The following MYO9A variants were observed in gnomAD, a reference collection of about 807,000 sequenced individuals.
MYO9A encodes myosin IXA.
A neutral mutation model predicts 293.3 loss-of-function variants in MYO9A; 103 were observed. That is an observed-to-expected ratio of 0.35 (90% CI 0.30 to 0.41). The LOEUF is 0.41. Among genes scored for constraint, MYO9A ranks in the 10% least tolerant of loss-of-function variants. The pLI is 1.00. For missense variants in MYO9A, 2,685 were observed against 3,033.0 expected (o/e 0.89, Z 2.69); for synonymous variants, 1,001 against 1,035.7 (o/e 0.97, Z 0.64).
At chr15:72,028,413 C>T (rs1248846636) in intron 3 of MYO9A, among the ~76,000 whole-genome samples, 3 of 150,810 alleles carry the variant, frequency 2.0e-5, no homozygotes, top group South Asian at 2.1e-4. Flanking sequence ...TTTGGGAGGC[C>T]GAGGAGGGTG....
At chr15:71,846,188 A>ACTGT (rs2055378491) in intron 39 of MYO9A, among the ~76,000 whole-genome samples, 1 of 152,224 alleles carries the variant, frequency 6.6e-6, no homozygotes, top group South Asian at 2.1e-4. Flanking sequence ...AACTGAGTTC[A>ACTGT]CTGTCAACAG....
chr15:71,841,435 A>G (rs1028094113), intron 39 of MYO9A, among the ~76,000 whole-genome samples: 2 of 152,184 alleles, frequency 1.3e-5, no homozygotes, highest in African/African-American at 4.8e-5. Context: ...GAATGCTAAT[A>G]TATCAAATGC....
At position 71,915,418 on chromosome 15, in the gene MYO9A, TTTTCA is replaced by T. The variant is rs1263670513; in HGVS notation, c.2685+947_2685+951del. ...AGTTATTTGGCTCCTTGGTCTTGCT[TTTTCA>T]TTTCTTTTTTTTTTTTTTTAAAGAG... On this transcript the variant is annotated intron_variant, in intron 19 of 41. Coordinates refer to ENST00000356056, the MANE Select transcript of MYO9A (RefSeq NM_006901.4). Among the ~76,000 whole-genome samples, 3 of 151,936 alleles carry T rather than the reference TTTTCA, an allele frequency of 2.0e-5. No homozygotes were observed. In the South Asian group the frequency reaches 6.2e-4, roughly 32 times the overall value.
At chr15:72,030,958 A>G (rs2077847670) in intron 3 of MYO9A, among the ~76,000 whole-genome samples, 1 of 152,202 alleles carries the variant, frequency 6.6e-6, no homozygotes, top group Non-Finnish European at 1.5e-5. Context: ...GCAGGAGGTA[A>G]GCGGCCAGCA....
At chr15:71,888,206 T>C in intron 26 of MYO9A, 90 bp from the exon 27 acceptor site, 1 of 679,708 alleles carries the variant, frequency 1.5e-6, no homozygotes, top group East Asian at 2.8e-5. Context: ...TTACTTGAGC[T>C]ATTTAAAAAC....
chr15:72,069,249 C>T (rs951461959), intron 1 of MYO9A, among the ~76,000 whole-genome samples: 2 of 152,144 alleles, frequency 1.3e-5, no homozygotes, highest in South Asian at 4.1e-4. Context: ...AGAAGGTGCA[C>T]TGAGGTCCTA....
intron 4 of MYO9A, among the ~76,000 whole-genome samples, chr15:72,027,102 A>C (rs1383854300): frequency 1.3e-5 from 2 of 152,232 alleles, no homozygotes; most frequent in African/African-American, 4.8e-5. Context: ...TCCAAAACCA[A>C]GGAAATAAGA....
intron 1 of MYO9A, among the ~76,000 whole-genome samples, chr15:72,056,037 G>A (rs2149877346): frequency 6.6e-6 from 1 of 152,282 alleles, no homozygotes; most frequent in African/African-American, 2.4e-5. Context: ...AGACCACCCT[G>A]ACCAACATGG....
At chr15:72,108,653 G>A (rs2080660226) in intron 1 of MYO9A, among the ~76,000 whole-genome samples, 1 of 151,936 alleles carries the variant, frequency 6.6e-6, no homozygotes, top group Non-Finnish European at 1.5e-5. Context: ...TTAAATTAGG[G>A]TATTATTTTT....
Position 72,035,356 on chromosome 15 carries a change from G to A in MYO9A, c.841-2768C>T, listed in dbSNP as rs115348197. Among the ~76,000 whole-genome samples, 852 of 145,374 alleles carry A rather than the reference G, an allele frequency of 5.9e-3. 10 individuals carry two copies. Among genetic ancestry groups the A allele is most frequent in the African/African-American group, 0.02 (806 of 40,426 alleles). On this transcript the variant is annotated intron_variant, in intron 2 of 41. Coordinates refer to ENST00000356056, the MANE Select transcript of MYO9A (RefSeq NM_006901.4). Reference sequence around the variant, plus strand: ...TATCATCAGCTTTTTGACAGTCAAAGCTTGAAAATAACGAAATGTCCACCA... The same window carrying A: ...TATCATCAGCTTTTTGACAGTCAAAACTTGAAAATAACGAAATGTCCACCA...
chr15:71,825,729 A>C lies in MYO9A; in HGVS notation c.*851T>G, dbSNP rs1256111161. The C allele has an allele frequency of 6.6e-6, 1 of 152,152 alleles. No homozygotes were observed. Among genetic ancestry groups the C allele is most frequent in the Non-Finnish European group, 1.5e-5 (1 of 68,022 alleles). 9.4% of individuals were successfully genotyped at this position (152,152 alleles called of 1,614,324 possible). On this transcript the variant is annotated 3_prime_UTR_variant, in exon 42 of 42. Transcript: ENST00000356056. Reference sequence around the variant, plus strand: ...GAATGGCTTAGGATGAAACCTTCATAAGTTTAGGGATCACCATGTCTCTGG... The same window carrying C: ...GAATGGCTTAGGATGAAACCTTCATCAGTTTAGGGATCACCATGTCTCTGG...
At chr15:72,092,910 T>TACACACACACAC (rs59999448) in intron 1 of MYO9A, among the ~76,000 whole-genome samples, 156 of 141,994 alleles carry the variant, frequency 1.1e-3, no homozygotes, top group African/African-American at 3.8e-3. Context: ...CCACCTTACT[T>TACACACACACAC]ACACACACAC....
intron 34 of MYO9A, among the ~76,000 whole-genome samples, chr15:71,858,067 A>AT (rs2055937544): frequency 6.6e-6 from 1 of 152,312 alleles, no homozygotes; most frequent in Non-Finnish European, 1.5e-5. Context: ...ATACCATCTC[A>AT]TACCAGCTGG....
chr15:72,063,768 G>C (rs184335429), intron 1 of MYO9A, among the ~76,000 whole-genome samples: 3 of 152,246 alleles, frequency 2.0e-5, no homozygotes, highest in Admixed American at 1.3e-4. Context: ...ACTAAAAACA[G>C]AACTACTATA....
chr15:71,969,945 C>T (rs1219822601), intron 12 of MYO9A, among the ~76,000 whole-genome samples: 1 of 152,250 alleles, frequency 6.6e-6, no homozygotes, highest in South Asian at 2.1e-4. Flanking sequence ...CTACCAATGC[C>T]TGGATCCCAA....
intron 13 of MYO9A, among the ~76,000 whole-genome samples, chr15:71,964,290 C>A (rs560396142): frequency 6.6e-6 from 1 of 152,120 alleles, no homozygotes; most frequent in East Asian, 1.9e-4. Context: ...TATTTTTATA[C>A]CCTTTCTCTA....
Position 72,045,715 on chromosome 15 carries a change from T to C in MYO9A, c.840+9A>G, listed in dbSNP as rs745476910. On this transcript the variant is annotated intron_variant, in intron 2 of 41. Coordinates refer to ENST00000356056, the MANE Select transcript of MYO9A (RefSeq NM_006901.4). The stretch of plus-strand genomic sequence containing the variant: ...ATTAAAATCAAAAATAAGATTTCTA[T>C]ATATTTACCTCAAGTACTGGTCCAG... 5 of 1,557,896 alleles carry C rather than the reference T, an allele frequency of 3.2e-6. No individual in the cohort carries two copies. The highest frequency in any genetic ancestry group is 2.1e-5 in the Admixed American group (1 of 47,134).
At chr15:72,053,208 T>C (rs2149817545) in intron 1 of MYO9A, among the ~76,000 whole-genome samples, 1 of 152,052 alleles carries the variant, frequency 6.6e-6, no homozygotes, top group South Asian at 2.1e-4. Context: ...GAGACCAGCC[T>C]GGCCAACATG....
intron 39 of MYO9A, among the ~76,000 whole-genome samples, chr15:71,842,076 A>ATATT (rs1202754161): frequency 6.6e-6 from 1 of 152,078 alleles, no homozygotes; most frequent in Non-Finnish European, 1.5e-5. Context: ...GGTTTTACAA[A>ATATT]TATTAACTCA....
Sources: allele counts gnomAD v4.1 joint callset (sites outside exome capture counted in the v4.1 genomes callset), GRCh38; gene constraint gnomAD v4.1.1; transcripts MANE v1.5; gene names NCBI Gene and HGNC (gene_info 2026-07-23, HGNC 2026-07-21).